The following DPP10 variants were observed in gnomAD, a reference collection of about 807,000 sequenced individuals.
DPP10 encodes dipeptidyl peptidase like 10.
DPP10 carries 33 observed loss-of-function variants against 120.9 expected under a neutral mutation model. The observed-to-expected ratio is 0.27, with a 90% confidence interval of 0.21 to 0.37. The LOEUF (loss-of-function observed/expected upper bound fraction) is 0.37, where lower values mean the gene tolerates loss of function less well. DPP10 is among the 10% of genes least tolerant of loss of function. The pLI, the probability that DPP10 is intolerant of heterozygous loss-of-function variation, is 1.00. For missense variants in DPP10, 816 were observed against 942.8 expected, an observed-to-expected ratio of 0.87 and a Z score of 1.76; for synonymous variants, 337 against 326.1, an observed-to-expected ratio of 1.03 and a Z score of -0.36.
At chr2:114,520,064 C>G (rs1684928462) in intron 1 of DPP10, among the ~76,000 whole-genome samples, 1 of 152,194 alleles carries the variant, frequency 6.6e-6, no homozygotes, top group Admixed American at 6.5e-5. Context: ...TTAGAAAAAT[C>G]AATCTCATCA....
intron 1 of DPP10, among the ~76,000 whole-genome samples, chr2:115,087,056 C>A (rs1194275789): frequency 6.6e-6 from 1 of 152,186 alleles, no homozygotes; most frequent in Admixed American, 6.5e-5. Flanking sequence ...GCAAAACAAG[C>A]ATTCTCAGCC....
At chr2:114,579,298 C>A (rs1342840785) in intron 1 of DPP10, among the ~76,000 whole-genome samples, 1 of 152,152 alleles carries the variant, frequency 6.6e-6, no homozygotes, top group African/African-American at 2.4e-5. Context: ...CTGCTCAGCG[C>A]CCACAGCTCA....
At chr2:115,259,329 A>G (rs1380553226) in intron 1 of DPP10, among the ~76,000 whole-genome samples, 2 of 152,008 alleles carry the variant, frequency 1.3e-5, no homozygotes, top group African/African-American at 2.4e-5. Flanking sequence ...TAAAAATGCA[A>G]AAAAATTAGA....
chr2:115,662,575 A>C (rs2089090335), intron 5 of DPP10, among the ~76,000 whole-genome samples: 1 of 152,142 alleles, frequency 6.6e-6, no homozygotes, highest in Non-Finnish European at 1.5e-5. Flanking sequence ...GCAAATCAAA[A>C]CCACACTGAA....
chr2:115,386,690 G>T (rs1018482342), intron 3 of DPP10, among the ~76,000 whole-genome samples: 1 of 152,088 alleles, frequency 6.6e-6, no homozygotes, highest in African/African-American at 2.4e-5. Flanking sequence ...GGAGGGGGGC[G>T]CTGTTACACA....
At chr2:115,630,247 A>G (rs2085733570) in intron 5 of DPP10, among the ~76,000 whole-genome samples, 1 of 152,010 alleles carries the variant, frequency 6.6e-6, no homozygotes, top group African/African-American at 2.4e-5. Flanking sequence ...ATTTTTGCTC[A>G]TTGATTTTGT....
At chr2:115,756,760 T>C (rs1679454180) in intron 11 of DPP10, among the ~76,000 whole-genome samples, 1 of 152,138 alleles carries the variant, frequency 6.6e-6, no homozygotes, top group African/African-American at 2.4e-5. Context: ...GGGTAGTTTA[T>C]AATGAACAGA....
At chr2:115,782,095 C>G (rs1262375729) in intron 16 of DPP10, among the ~76,000 whole-genome samples, 2 of 151,840 alleles carry the variant, frequency 1.3e-5, no homozygotes, top group Admixed American at 1.3e-4. Flanking sequence ...TGGCTAAAAA[C>G]ATAGAAATAT....
chr2:115,181,205 G>T (rs2105143904), intron 1 of DPP10, among the ~76,000 whole-genome samples: 1 of 152,326 alleles, frequency 6.6e-6, no homozygotes, highest in South Asian at 2.1e-4. Flanking sequence ...TATCTTTTAA[G>T]AAATCATGAC....
chr2:114,592,322 C>G (rs904211203), intron 1 of DPP10, among the ~76,000 whole-genome samples: 1 of 152,126 alleles, frequency 6.6e-6, no homozygotes, highest in Admixed American at 6.6e-5. Flanking sequence ...TGATGGTAAA[C>G]TTTTCCCTTC....
intron 1 of DPP10, among the ~76,000 whole-genome samples, chr2:114,613,879 A>G (rs1017933750): frequency 4.6e-5 from 7 of 152,134 alleles, no homozygotes; most frequent in African/African-American, 1.7e-4. Context: ...CAGAAAACCA[A>G]ACACCACGTG....
chr2:114,821,955 C>T (rs1409289132), intron 1 of DPP10, among the ~76,000 whole-genome samples: 1 of 152,110 alleles, frequency 6.6e-6, no homozygotes, highest in Non-Finnish European at 1.5e-5. Context: ...TGTGAATTTT[C>T]CAGGTACATG....
intron 1 of DPP10, among the ~76,000 whole-genome samples, chr2:114,598,769 G>A (rs1244245898): frequency 6.6e-6 from 1 of 151,848 alleles, no homozygotes; most frequent in African/African-American, 2.4e-5. Flanking sequence ...TAGCTTCATT[G>A]GGGGCAGAAT....
chr2:115,696,349 C>T (rs1334988483), intron 7 of DPP10, among the ~76,000 whole-genome samples: 2 of 152,208 alleles, frequency 1.3e-5, no homozygotes, highest in East Asian at 3.9e-4. Context: ...TTGAAAGCAA[C>T]CTGAGAGAGG....
intron 13 of DPP10, among the ~76,000 whole-genome samples, chr2:115,772,964 T>A (rs1681658839): frequency 6.6e-6 from 1 of 152,124 alleles, no homozygotes; most frequent in South Asian, 2.1e-4. Context: ...AACACGAAGT[T>A]TTGCCCATGA....
chr2:114,965,370 C>T (rs1698933622), intron 1 of DPP10, among the ~76,000 whole-genome samples: 1 of 152,014 alleles, frequency 6.6e-6, no homozygotes, highest in African/African-American at 2.4e-5. Context: ...CTCCTGACCT[C>T]AGGTGATCCA....
intron 1 of DPP10, among the ~76,000 whole-genome samples, chr2:114,630,027 G>A (rs13017600): frequency 0.29 from 44,808 of 151,940 alleles, 8,455 homozygotes; most frequent in African/African-American, 0.55. Flanking sequence ...ATGTACGTAT[G>A]TGTACATATA....
chr2:115,764,929 G>A (rs1181518722), intron 12 of DPP10, among the ~76,000 whole-genome samples: 4 of 152,106 alleles, frequency 2.6e-5, no homozygotes, highest in East Asian at 3.8e-4. Flanking sequence ...AAGAGAAGTA[G>A]GCATGTTTAG....
intron 1 of DPP10, among the ~76,000 whole-genome samples, chr2:114,741,588 A>T (rs997247993): frequency 1.3e-5 from 2 of 152,326 alleles, no homozygotes; most frequent in East Asian, 1.9e-4. Context: ...AAATTCTAAC[A>T]CTTGGTACCT....
Sources: gnomAD v4.1 joint callset for allele counts (sites outside exome capture counted in the v4.1 genomes callset) on GRCh38, gnomAD v4.1.1 for gene constraint, MANE v1.5 for transcripts, NCBI Gene and HGNC (gene_info 2026-07-23, HGNC 2026-07-21) for gene names.